Variants in ACAD8 observed in about 807,000 individuals in gnomAD.
ACAD8 encodes the protein isobutyryl-CoA dehydrogenase, mitochondrial.
A neutral mutation model predicts 53.1 loss-of-function variants in ACAD8; 47 were observed. The observed-to-expected ratio is 0.89, with a 90% CI of 0.70 to 1.13. The LOEUF is 1.13. Among genes scored for constraint, ACAD8 ranks in the 50% most tolerant of loss-of-function variants. The pLI is 0.00. For missense variants in ACAD8, 494 were observed against 535.0 expected, an observed-to-expected ratio of 0.92 and a Z score of 0.76; for synonymous variants, 198 against 201.3, an observed-to-expected ratio of 0.98 and a Z score of 0.14.
At chr11:134,258,315 C>T in intron 3 of ACAD8, 200 bp from the exon 4 acceptor site, 1 of 623,828 alleles carries the variant, frequency 1.6e-6, no homozygotes, top group Admixed American at 2.4e-5. Flanking sequence ...CTGGTTATCT[C>T]TGGGTAGTCC....
intron 5 of ACAD8, chr11:134,259,375 G>A (rs1313401425): frequency 1.3e-5 from 8 of 622,524 alleles, no homozygotes; most frequent in African/African-American, 2.3e-5. Flanking sequence ...CTGTGCCATT[G>A]GACCTTATTG....
At chr11:134,263,817 CTT>C (rs1324816410) in intron 10 of ACAD8, 7 of 985,392 alleles carry the variant, frequency 7.1e-6, no homozygotes, top group Non-Finnish European at 8.4e-6. Context: ...CACTGTATCA[CTT>C]TGTTTCATCA....
intron 3 of ACAD8, chr11:134,258,311 A>G (rs1939664884): frequency 1.6e-6 from 1 of 613,230 alleles, no homozygotes; most frequent in Admixed American, 2.6e-5. Flanking sequence ...CAGCCTGGTT[A>G]TCTCTGGGTA....
At chr11:134,260,615 GGC>G (rs1939820993) in intron 6 of ACAD8, 1 of 298,790 alleles carries the variant, frequency 3.3e-6, no homozygotes, top group South Asian at 3.2e-5. Context: ...TTCAGTAAAA[GGC>G]TTAGAAATGG....
At chr11:134,263,691 G>A in intron 10 of ACAD8, 5 of 983,044 alleles carry the variant, frequency 5.1e-6, no homozygotes, top group South Asian at 9.5e-5. Flanking sequence ...TGAGCTTTAT[G>A]TGCGTAGGAA....
chr11:134,258,512 C>T lies in ACAD8; in HGVS notation c.381-3C>T, dbSNP rs1264562463. ...TGTCTTTTCTTCTTGGTGTACCTAT[C>T]AGCATGTGTGCCTGGATGATTGATA... On this transcript the variant is annotated splice_polypyrimidine_tract_variant and splice_region_variant and intron_variant, in intron 3 of 10. Coordinates refer to ENST00000281182, the MANE Select transcript of ACAD8 (RefSeq NM_014384.3). 6.2e-7 allele frequency: 1 copy of T among 1,603,800 alleles called. No individual in the cohort carries two copies. Among genetic ancestry groups the T allele is most frequent in the African/African-American group, 1.3e-5 (1 of 74,602 alleles).
chr11:134,253,852 C>T, intron 1 of ACAD8, 143 bp downstream of exon 1: 1 of 898,420 alleles, frequency 1.1e-6, no homozygotes, highest in Middle Eastern at 2.4e-4. Context: ...GGCCTGGCTC[C>T]CTACTCCGGC....
At chr11:134,254,668 C>T (rs1434611286) in intron 1 of ACAD8, among the ~76,000 whole-genome samples, 1 of 152,140 alleles carries the variant, frequency 6.6e-6, no homozygotes, top group Non-Finnish European at 1.5e-5. Context: ...ACCCAGATTA[C>T]CCTGGTTGAT....
At chr11:134,258,926 C>G in intron 4 of ACAD8, 82 bp from the exon 5 acceptor site, 1 of 1,221,764 alleles carries the variant, frequency 8.2e-7, no homozygotes, top group South Asian at 1.2e-5. Context: ...AGAAGATTTC[C>G]TAGAAGATAG....
chr11:134,257,393 G>C (rs1939602106), intron 3 of ACAD8, 136 bp downstream of exon 3: 1 of 1,145,656 alleles, frequency 8.7e-7, no homozygotes, highest in East Asian at 2.6e-5. Flanking sequence ...CACTCTAGGG[G>C]CCGGGCGCAG....
In ACAD8 at chr11:134,259,026, C is replaced by A; in HGVS notation, c.509C>A (p.Ala170Asp). 3 of 1,614,116 alleles carry A rather than the reference C, an allele frequency of 1.9e-6. No homozygotes were observed. The highest frequency in any genetic ancestry group is 2.5e-6 in the Non-Finnish European group (3 of 1,180,018). ...TCCTCAGGAAGTGGGAGTGATGCTG[C>A]CTCTCTTCTGACCTCCGCTAAGAAA... is the stretch of plus-strand genomic sequence containing the variant. ...LTEPGSGSDAASLLTSAKKQG... is the reference protein window; with the variant it reads ...LTEPGSGSDADSLLTSAKKQG... Residue 170 changes from alanine (A) to aspartate (D), a missense_variant, in exon 5 of 11, where the codon GCC becomes GAC. Physicochemically the swap from Ala to Asp is moderately radical, Grantham distance 126 (BLOSUM62 -2). Transcript: ENST00000281182.
intron 9 of ACAD8, 35 bp from the exon 10 acceptor site, chr11:134,262,485 A>T: frequency 6.8e-7 from 1 of 1,464,890 alleles, no homozygotes; most frequent in Non-Finnish European, 9.5e-7. Flanking sequence ...CAGTCTTCCC[A>T]GAGTCCAAGA....
chr11:134,261,043 G>C lies in ACAD8; in HGVS notation c.706-1G>C, dbSNP rs754886392. The C allele has an allele frequency of 4.3e-6, 7 of 1,612,132 alleles. No individual in the cohort carries two copies. The highest frequency in any genetic ancestry group is 5.9e-6 in the Non-Finnish European group (7 of 1,179,316). On this transcript the variant is annotated splice_acceptor_variant, in intron 6 of 10. Coordinates refer to ENST00000281182, the MANE Select transcript of ACAD8 (RefSeq NM_014384.3). LOFTEE classifies it high-confidence loss of function. This position sits in a 1 kb window ranked among gnomAD's most constrained non-coding sequence, Gnocchi z 4.2. ...ACCACGCAGTCCCTGATTTTTGCCAGGTGGGGTGGAACTCCCAGCCAACAC... is the reference window on the plus strand; with the variant it reads ...ACCACGCAGTCCCTGATTTTTGCCACGTGGGGTGGAACTCCCAGCCAACAC...
intron 6 of ACAD8, 130 bp from the exon 7 acceptor site, chr11:134,260,914 C>T (rs74971988): frequency 9.3e-6 from 10 of 1,073,356 alleles, no homozygotes; most frequent in Admixed American, 4.2e-5. Context: ...TTTTCTTTTT[C>T]CTCATTTTAA....
Position 134,261,510 on chromosome 11 carries a change from T to C in ACAD8, c.939+138T>C. ...TGTCCTAGCCAGAGCTTGTGCTTTA[T>C]TTCTGTCCATCTTTTCTTGGGATAT... is the stretch of plus-strand genomic sequence containing the variant. On this transcript the variant is annotated intron_variant, in intron 8 of 10. Transcript: ENST00000281182. The surrounding 1 kb of genome is among the most constrained non-coding windows in gnomAD (Gnocchi z 4.2). The C allele has an allele frequency of 6.6e-7, 1 of 1,505,312 alleles. No individual in the cohort carries two copies. Among genetic ancestry groups the C allele is most frequent in the Non-Finnish European group, 9.1e-7 (1 of 1,102,036 alleles). The allele number at this position is 1,505,312 out of a possible 1,614,324, so 93.2% of individuals were successfully genotyped here.
At chr11:134,259,916 T>C in intron 6 of ACAD8, 171 bp downstream of exon 6, 2 of 1,483,638 alleles carry the variant, frequency 1.3e-6, no homozygotes, top group East Asian at 2.6e-5. Flanking sequence ...CAGGGCATTA[T>C]TAAACACTAG....
chr11:134,254,897 G>C (rs926096095), intron 1 of ACAD8, among the ~76,000 whole-genome samples: 1 of 152,232 alleles, frequency 6.6e-6, no homozygotes, highest in Non-Finnish European at 1.5e-5. Flanking sequence ...AAGTTCATGA[G>C]TGGTGGTATT....
intron 1 of ACAD8, 128 bp downstream of exon 1, chr11:134,253,837 C>T (rs944160952): frequency 3.9e-6 from 4 of 1,029,938 alleles, no homozygotes; most frequent in African/African-American, 1.6e-5. Context: ...GCCAGTCACC[C>T]CCCCGGCCTG....
In ACAD8 at chr11:134,256,591, G is replaced by A; in HGVS notation, c.153G>A (p.Val51=). 6.2e-7 allele frequency: 1 copy of A among 1,614,194 alleles called. No individual in the cohort carries two copies. Among genetic ancestry groups the A allele is most frequent in the Non-Finnish European group, 8.5e-7 (1 of 1,180,034 alleles). Residue 51 remains valine, a synonymous_variant, in exon 2 of 11, where the codon GTG becomes GTA. Transcript: ENST00000281182. ...LNEEQKEFQK[V]AFDFAAREMA... ...AAGAGCAGAAAGAATTTCAAAAAGT[G>A]GCCTTTGACTTTGCTGCCCGAGAGA...
Sources: allele counts gnomAD v4.1 joint callset (sites outside exome capture counted in the v4.1 genomes callset), GRCh38; gene constraint gnomAD v4.1.1; non-coding constraint Gnocchi (gnomAD v3.1); transcripts MANE v1.5; gene names NCBI Gene and HGNC (gene_info 2026-07-23, HGNC 2026-07-21).